The following FAM151B variants were observed in gnomAD, a reference collection of about 807,000 sequenced individuals.
FAM151B encodes the protein family with sequence similarity 151 member B.
Under a neutral mutation model 31.2 loss-of-function variants are expected in FAM151B, and 24 were observed. That is an observed-to-expected ratio of 0.77 (90% CI 0.56 to 1.08). The LOEUF (loss-of-function observed/expected upper bound fraction) is 1.08. Among genes scored for constraint, FAM151B ranks in the 50% least tolerant of loss-of-function variants. The pLI is 0.00. For synonymous variants in FAM151B, 105 were observed against 111.4 expected (o/e 0.94, Z 0.36); for missense variants, 293 against 328.6 (o/e 0.89, Z 0.84).
intron 2 of FAM151B, among the ~76,000 whole-genome samples, chr5:80,507,886 T>C (rs975479794): frequency 7.9e-5 from 12 of 152,140 alleles, no homozygotes; most frequent in African/African-American, 2.9e-4. Context: ...CCTTGGGCTG[T>C]CACACACATT....
At chr5:80,510,054 A>G (rs1744121401) in intron 2 of FAM151B, among the ~76,000 whole-genome samples, 1 of 152,158 alleles carries the variant, frequency 6.6e-6, no homozygotes, top group African/African-American at 2.4e-5. Context: ...GGTTTTTGAT[A>G]TGGCAACACT....
At chr5:80,519,353 G>C (rs443792) in intron 3 of FAM151B, among the ~76,000 whole-genome samples, 118,271 of 152,096 alleles carry the variant, frequency 0.78, 46,200 homozygotes, top group African/African-American at 0.83. Flanking sequence ...TATACATTCT[G>C]GAACGAGTGA....
rs796890318 is a variant in FAM151B at position 80,493,379 on chromosome 5, G to C, written c.25+5231G>C. Among the ~76,000 whole-genome samples the C allele has an allele frequency of 3.9e-5, 6 of 152,252 alleles. No homozygotes were observed. In the South Asian group the frequency reaches 1.2e-3, roughly 32 times the overall value. On this transcript the variant is annotated intron_variant, in intron 1 of 5. Coordinates refer to ENST00000282226, the MANE Select transcript of FAM151B (RefSeq NM_205548.3). ...AACTGATTGTAAAACATGTGTGTTT[G>C]AACAGTATGAAATCAGTGTACCTTA...
At chr5:80,524,762 A>G (rs1031380483) in intron 5 of FAM151B, among the ~76,000 whole-genome samples, 3 of 152,194 alleles carry the variant, frequency 2.0e-5, no homozygotes, top group South Asian at 2.1e-4. Flanking sequence ...ATATGCTTCT[A>G]CTTTAAAAGA....
At chr5:80,532,394 T>A (rs190031078) in intron 5 of FAM151B, among the ~76,000 whole-genome samples, 1 of 152,112 alleles carries the variant, frequency 6.6e-6, no homozygotes, top group Admixed American at 6.5e-5. Context: ...ACACAAAAAC[T>A]ATAAGAGACT....
chr5:80,509,542 T>C (rs1561366257), intron 2 of FAM151B, among the ~76,000 whole-genome samples: 1 of 152,140 alleles, frequency 6.6e-6, no homozygotes, highest in East Asian at 1.9e-4. Flanking sequence ...TATTCTGTCA[T>C]CACAGTATAA....
At position 80,519,701 on chromosome 5, in the gene FAM151B, T is replaced by C. The variant is rs151087793; in HGVS notation, c.326T>C (p.Val109Ala). ...GIKLDFKSLAVVEPSMMLLEN... is the reference protein window; with the variant it reads ...GIKLDFKSLAAVEPSMMLLEN... ...ACAAATTATGTTTTTAGTCTGGCAG[T>C]TGTAGAACCATCCATGATGCTCTTG... The change falls in exon 4 of 6, where the codon GTT (valine) becomes GCT (alanine). Residue 109 changes from valine (V) to alanine (A), a missense_variant. Val to Ala is a moderately conservative substitution (Grantham distance 64). Transcript: ENST00000282226. 6.4e-5 allele frequency: 104 copies of C among 1,613,990 alleles called. No homozygotes were observed. The African/African-American group carries it at 1.2e-3, about 19-fold the overall frequency.
At chr5:80,510,079 C>T (rs958606182) in intron 2 of FAM151B, among the ~76,000 whole-genome samples, 6 of 152,164 alleles carry the variant, frequency 3.9e-5, no homozygotes, top group African/African-American at 1.4e-4. Context: ...TTCCAGCTAC[C>T]TATTGCTTTT....
chr5:80,521,968 A>G (rs983208604), intron 4 of FAM151B, 35 bp from the exon 5 acceptor site: 9 of 1,481,174 alleles, frequency 6.1e-6, no homozygotes, highest in African/African-American at 1.4e-5. Flanking sequence ...CAAGATTTCA[A>G]TCAATAAAGT....
chr5:80,498,165 G>A (rs1027874743), intron 1 of FAM151B, among the ~76,000 whole-genome samples: 2 of 152,104 alleles, frequency 1.3e-5, no homozygotes, highest in African/African-American at 2.4e-5. Flanking sequence ...AATCAATAAT[G>A]TGCCTTCTAA....
intron 5 of FAM151B, among the ~76,000 whole-genome samples, chr5:80,524,319 T>G (rs1339017140): frequency 6.6e-6 from 1 of 152,114 alleles, no homozygotes; most frequent in South Asian, 2.1e-4. Context: ...CACATTGATT[T>G]TCACATAGTC....
intron 5 of FAM151B, among the ~76,000 whole-genome samples, chr5:80,537,438 A>G (rs1745567255): frequency 6.6e-6 from 1 of 152,184 alleles, no homozygotes; most frequent in African/African-American, 2.4e-5. Context: ...ACCTTCTTCA[A>G]TGCGTCTATT....
intron 5 of FAM151B, among the ~76,000 whole-genome samples, chr5:80,530,499 C>T (rs187505425): frequency 6.6e-6 from 1 of 152,284 alleles, no homozygotes; most frequent in African/African-American, 2.4e-5. Flanking sequence ...ATTGTCTCAG[C>T]CCAAAATCTC....
chr5:80,503,504 G>A (rs1296255266), intron 2 of FAM151B, among the ~76,000 whole-genome samples: 1 of 152,100 alleles, frequency 6.6e-6, no homozygotes, highest in Non-Finnish European at 1.5e-5. Flanking sequence ...AAGAGCTGGA[G>A]GCTGCAGTGA....
intron 2 of FAM151B, chr5:80,510,913 G>A (rs996226880): frequency 5.3e-5 from 8 of 152,174 alleles, no homozygotes; most frequent in African/African-American, 1.9e-4. Context: ...AGATAATGAC[G>A]TGCATGGTCG....
rs976236009 is a variant in FAM151B at position 80,538,374 on chromosome 5, T to C, written c.672-3299T>C. 2.0e-4 allele frequency among the ~76,000 whole-genome samples: 6 copies of C among 30,160 alleles called. No individual in the cohort carries two copies. The South Asian group carries it at 4.4e-3, about 22-fold the overall frequency. The allele number at this position is 30,160 out of a possible 152,430, so 19.8% of individuals were successfully genotyped here. A position where few individuals can be genotyped will look rare whatever the true frequency, so the allele number is the denominator to read the frequency against. ...GAGCCACCGCACCCAGCCTTTCTTT[T>C]TCTTTCTTTCTTTCTTTCTTTCTTT... On this transcript the variant is annotated intron_variant, in intron 5 of 5. Coordinates refer to ENST00000282226, the MANE Select transcript of FAM151B (RefSeq NM_205548.3).
chr5:80,530,728 A>T (rs1237640929), intron 5 of FAM151B, among the ~76,000 whole-genome samples: 1 of 152,212 alleles, frequency 6.6e-6, no homozygotes, highest in East Asian at 1.9e-4. Flanking sequence ...TGCTCAACGA[A>T]ATAAAAGAGG....
intron 5 of FAM151B, among the ~76,000 whole-genome samples, chr5:80,524,673 A>C (rs1337064759): frequency 6.6e-6 from 1 of 152,178 alleles, no homozygotes; most frequent in South Asian, 2.1e-4. Context: ...TTAGCACTGA[A>C]ATATTTATGT....
chr5:80,530,960 G>A (rs531023941), intron 5 of FAM151B, among the ~76,000 whole-genome samples: 13 of 152,222 alleles, frequency 8.5e-5, no homozygotes, highest in Non-Finnish European at 1.8e-4. Context: ...CAAAGCTGGA[G>A]GCATCATGCT....
Sources: allele counts gnomAD v4.1 joint callset (sites outside exome capture counted in the v4.1 genomes callset), GRCh38; gene constraint gnomAD v4.1.1; transcripts MANE v1.5; gene names NCBI Gene and HGNC (gene_info 2026-07-23, HGNC 2026-07-21).